Variants in FOXP1 observed in about 807,000 individuals in gnomAD.
The protein encoded by FOXP1 is forkhead box P1.
In FOXP1, 15 loss-of-function variants were observed where a neutral mutation model predicts 98.2. The observed-to-expected ratio is 0.15, with a 90% CI of 0.10 to 0.24. The LOEUF is 0.24. Among genes scored for constraint, FOXP1 ranks in the 10% least tolerant of loss-of-function variants. FOXP1 has a pLI of 1.00. For missense variants in FOXP1, 633 were observed against 848.5 expected, an observed-to-expected ratio of 0.75 and a Z score of 3.15; for synonymous variants, 371 against 314.5, an observed-to-expected ratio of 1.18 and a Z score of -1.90.
intron 4 of FOXP1, among the ~76,000 whole-genome samples, chr3:71,303,467 T>C (rs2074018099): frequency 6.6e-6 from 1 of 152,194 alleles, no homozygotes. Context: ...TCAAATGGCC[T>C]GTACTCATTT....
intron 3 of FOXP1, among the ~76,000 whole-genome samples, chr3:71,403,089 A>AG (rs2082054525): frequency 6.6e-6 from 1 of 152,192 alleles, no homozygotes; most frequent in African/African-American, 2.4e-5. Context: ...GAGGAAGTTT[A>AG]CTTTTTTGTT....
At position 71,427,487 on chromosome 3, in the gene FOXP1, G is replaced by A. The variant is rs192306937; in HGVS notation, c.-168+65939C>T. Among the ~76,000 whole-genome samples the A allele has an allele frequency of 4.9e-4, 74 of 152,306 alleles. 1 individual carries two copies. The South Asian group carries it at 0.013, about 28-fold the overall frequency. ...TTGCAAGGAGATCACAGAAGGCCCCGGATGCCGGGCTAGGGAGCCTGGGCT... is the reference window on the plus strand; with the variant it reads ...TTGCAAGGAGATCACAGAAGGCCCCAGATGCCGGGCTAGGGAGCCTGGGCT... On this transcript the variant is annotated intron_variant, in intron 3 of 20. Transcript: ENST00000649528.
chr3:71,125,440 T>C (rs1285499475), intron 6 of FOXP1, among the ~76,000 whole-genome samples: 3 of 152,154 alleles, frequency 2.0e-5, no homozygotes, highest in African/African-American at 7.2e-5. Flanking sequence ...TAGACACGTA[T>C]AGAAAAATAT....
At position 71,062,598 on chromosome 3, in the gene FOXP1, C is replaced by G. The variant is rs539900235; in HGVS notation, c.283-8825G>C. 9.8e-5 allele frequency among the ~76,000 whole-genome samples: 15 copies of G among 152,338 alleles called. No individual in the cohort carries two copies. In the East Asian group the frequency reaches 2.9e-3, roughly 29 times the overall value. On this transcript the variant is annotated intron_variant, in intron 7 of 20. Coordinates refer to ENST00000649528, the MANE Select transcript of FOXP1 (RefSeq NM_001349338.3). The stretch of plus-strand genomic sequence containing the variant: ...CACATTTTCATGTAATCAACCCATG[C>G]TTACAAGTTTCCTTTAATAAAATGT...
chr3:71,417,183 G>A (rs955645206), intron 3 of FOXP1, among the ~76,000 whole-genome samples: 2 of 152,188 alleles, frequency 1.3e-5, no homozygotes, highest in Non-Finnish European at 2.9e-5. Flanking sequence ...GAAGTCAAAT[G>A]GTACAGACTC....
At chr3:71,303,549 T>C (rs916303765) in intron 4 of FOXP1, among the ~76,000 whole-genome samples, 8 of 152,198 alleles carry the variant, frequency 5.3e-5, no homozygotes, top group Non-Finnish European at 1.0e-4. Flanking sequence ...TTATCTTCTG[T>C]GGGCTTTAAT....
chr3:71,234,877 C>A (rs1253067325), intron 5 of FOXP1, among the ~76,000 whole-genome samples: 2 of 152,126 alleles, frequency 1.3e-5, no homozygotes, highest in Non-Finnish European at 2.9e-5. Flanking sequence ...CAGGGCAGAA[C>A]AGGGCAGGAG....
intron 3 of FOXP1, among the ~76,000 whole-genome samples, chr3:71,483,840 C>T (rs900021913): frequency 2.6e-5 from 4 of 151,204 alleles, no homozygotes; most frequent in African/African-American, 7.3e-5. Context: ...CCTAAAAACA[C>T]AGTAGTAAAA....
intron 6 of FOXP1, among the ~76,000 whole-genome samples, chr3:71,180,289 T>A (rs1344275599): frequency 6.6e-6 from 1 of 150,630 alleles, no homozygotes; most frequent in Non-Finnish European, 1.5e-5. Flanking sequence ...AAAAAGAGAC[T>A]CACCAGGTAA....
chr3:71,102,121 C>T (rs1244713120), intron 7 of FOXP1, among the ~76,000 whole-genome samples: 2 of 152,042 alleles, frequency 1.3e-5, no homozygotes, highest in Admixed American at 6.6e-5. Context: ...CTGAAGTCCA[C>T]CAAAAGTTCA....
chr3:71,203,831 C>G (rs914390596), intron 5 of FOXP1, among the ~76,000 whole-genome samples: 4 of 152,052 alleles, frequency 2.6e-5, no homozygotes, highest in Admixed American at 1.3e-4. Flanking sequence ...AGTCCACCCC[C>G]CATCCGAAAA....
chr3:71,467,943 G>C (rs2088940836), intron 3 of FOXP1, among the ~76,000 whole-genome samples: 1 of 152,132 alleles, frequency 6.6e-6, no homozygotes, highest in Admixed American at 6.5e-5. Context: ...ATTCCAATAT[G>C]TTACAAGTCT....
At chr3:71,147,233 G>A (rs980597081) in intron 6 of FOXP1, among the ~76,000 whole-genome samples, 1 of 152,148 alleles carries the variant, frequency 6.6e-6, no homozygotes, top group Non-Finnish European at 1.5e-5. Flanking sequence ...GCAGCCAGAG[G>A]AATCTTTTGA....
At chr3:71,202,652 A>C (rs1255662318) in intron 5 of FOXP1, among the ~76,000 whole-genome samples, 4 of 152,212 alleles carry the variant, frequency 2.6e-5, no homozygotes, top group Non-Finnish European at 5.9e-5. Context: ...TCAGACATGA[A>C]CTTGTCCATT....
chr3:71,343,469 C>T (rs2077131281), intron 4 of FOXP1, among the ~76,000 whole-genome samples: 1 of 151,220 alleles, frequency 6.6e-6, no homozygotes. Flanking sequence ...CTTTAAATGG[C>T]TTTGTGTCCT....
intron 14 of FOXP1, among the ~76,000 whole-genome samples, chr3:70,987,527 G>A (rs979463302): frequency 6.6e-5 from 10 of 152,146 alleles, no homozygotes; most frequent in Admixed American, 6.5e-4. Context: ...GGTTTCCTAT[G>A]TCTTTCCTCT....
rs547683824 is a variant in FOXP1, at chr3:71,003,566, G to A, written c.975-2507C>T. Among the ~76,000 whole-genome samples the A allele has an allele frequency of 3.9e-5, 6 of 152,176 alleles. 1 individual carries two copies. The highest frequency in any genetic ancestry group is 2.1e-4 in the South Asian group (1 of 4,814). ...GCTTGAATTATGAATATAATTATGC[G>A]TGATTATTTTATACTGCAAAGATGT... On this transcript the variant is annotated intron_variant, in intron 12 of 20. Transcript: ENST00000649528.
chr3:71,531,858 T>C (rs762669818), intron 2 of FOXP1, among the ~76,000 whole-genome samples: 7 of 152,222 alleles, frequency 4.6e-5, no homozygotes, highest in Non-Finnish European at 7.3e-5. Flanking sequence ...TACCTTACTA[T>C]GTAGGTAAGT....
intron 3 of FOXP1, among the ~76,000 whole-genome samples, chr3:71,388,931 ACTTC>A (rs2080810610): frequency 6.6e-6 from 1 of 152,012 alleles, no homozygotes; most frequent in Non-Finnish European, 1.5e-5. Context: ...TGGCCTTTTC[ACTTC>A]CTATTTTATT....
Sources: allele counts gnomAD v4.1 joint callset (sites outside exome capture counted in the v4.1 genomes callset), GRCh38; gene constraint gnomAD v4.1.1; transcripts MANE v1.5; gene names NCBI Gene and HGNC (gene_info 2026-07-23, HGNC 2026-07-21).